Variants in CREB3L2 observed in about 807,000 individuals in gnomAD.
CREB3L2 encodes cAMP responsive element binding protein 3 like 2, also known as cyclic AMP-responsive element-binding protein 3-like protein 2.
In CREB3L2, 23 loss-of-function variants were observed where a neutral mutation model predicts 57.2. That is an observed-to-expected ratio of 0.40 (90% confidence interval 0.29 to 0.57). The LOEUF is 0.57. Among genes scored for constraint, CREB3L2 ranks in the 20% least tolerant of loss-of-function variants. The pLI, the probability that CREB3L2 is intolerant of heterozygous loss-of-function variation, is 0.42. For synonymous variants in CREB3L2, 268 were observed against 265.1 expected (o/e 1.01, Z -0.11); for missense variants, 628 against 634.7 (o/e 0.99, Z 0.11).
At chr7:137,888,144 G>A (rs1337375753) in intron 8 of CREB3L2, among the ~76,000 whole-genome samples, 1 of 151,968 alleles carries the variant, frequency 6.6e-6, no homozygotes, top group Non-Finnish European at 1.5e-5. Context: ...TTTATTTTTT[G>A]TAGAGACAGC....
intron 1 of CREB3L2, among the ~76,000 whole-genome samples, chr7:137,997,664 C>T (rs1290570454): frequency 6.6e-6 from 1 of 152,050 alleles, no homozygotes; most frequent in African/African-American, 2.4e-5. Flanking sequence ...GAAGGTTAAG[C>T]CTGCAGTGAG....
At chr7:137,932,643 C>T (rs1413908705) in intron 1 of CREB3L2, among the ~76,000 whole-genome samples, 1 of 152,106 alleles carries the variant, frequency 6.6e-6, no homozygotes, top group Non-Finnish European at 1.5e-5. Context: ...CTCAGTTTCT[C>T]AATCACTGGC....
chr7:137,900,214 G>A (rs1220860015), intron 8 of CREB3L2, among the ~76,000 whole-genome samples: 2 of 152,152 alleles, frequency 1.3e-5, no homozygotes, highest in South Asian at 2.1e-4. Flanking sequence ...CCACATCCAG[G>A]CTCCAGAGCC....
intron 10 of CREB3L2, chr7:137,884,548 C>A: frequency 3.7e-6 from 1 of 273,398 alleles, no homozygotes. Flanking sequence ...ACGCCCGGCC[C>A]TGACCTTGCT....
Position 137,877,191 on chromosome 7 carries a change from A to C in CREB3L2, c.*3285T>G, listed in dbSNP as rs1174645201. 1 of 229,148 alleles carries C rather than the reference A, an allele frequency of 4.4e-6. No individual in the cohort carries two copies. The highest frequency in any genetic ancestry group is 8.7e-6 in the Non-Finnish European group (1 of 115,496). 14.2% of individuals were successfully genotyped at this position (229,148 alleles called of 1,614,324 possible). A position where few individuals can be genotyped will look rare whatever the true frequency, so the allele number is the denominator to read the frequency against. Reference sequence around the variant, plus strand: ...CAAGAGATTTAGGAAGAAAAAAAAAAACATGGTAATTATAAGGGGTCTGTG... The same window carrying C: ...CAAGAGATTTAGGAAGAAAAAAAAACACATGGTAATTATAAGGGGTCTGTG... On this transcript the variant is annotated 3_prime_UTR_variant, in exon 12 of 12. Transcript: ENST00000330387.
chr7:137,883,141 A>T (rs1799334071), intron 10 of CREB3L2, among the ~76,000 whole-genome samples: 1 of 152,268 alleles, frequency 6.6e-6, no homozygotes, highest in African/African-American at 2.4e-5. Context: ...TCACACAGCT[A>T]GATGGCTCTG....
At chr7:137,882,178 C>T (rs557588479) in intron 11 of CREB3L2, among the ~76,000 whole-genome samples, 12 of 152,254 alleles carry the variant, frequency 7.9e-5, no homozygotes, top group South Asian at 2.1e-4. Flanking sequence ...GCCAGCTCCC[C>T]GCTGATGCAG....
At chr7:137,987,739 A>G (rs1315522113) in intron 1 of CREB3L2, among the ~76,000 whole-genome samples, 1 of 152,226 alleles carries the variant, frequency 6.6e-6, no homozygotes, top group Admixed American at 6.5e-5. Flanking sequence ...AGTGGCGCAC[A>G]GTGGCACAAT....
intron 1 of CREB3L2, among the ~76,000 whole-genome samples, chr7:137,992,492 A>G (rs1438501279): frequency 6.6e-6 from 1 of 152,190 alleles, no homozygotes; most frequent in Non-Finnish European, 1.5e-5. Context: ...ACACATCAAG[A>G]AACACATGAA....
At position 137,980,861 on chromosome 7, in the gene CREB3L2, C is replaced by G. The variant is rs1801700260; in HGVS notation, c.102+20743G>C. Among the ~76,000 whole-genome samples the G allele has an allele frequency of 6.6e-6, 1 of 152,184 alleles. No homozygotes were observed. The highest frequency in any genetic ancestry group is 6.5e-5 in the Admixed American group (1 of 15,284). On this transcript the variant is annotated intron_variant, in intron 1 of 11. Transcript: ENST00000330387. This position sits in a 1 kb window ranked among gnomAD's most constrained non-coding sequence, Gnocchi z 4.3. ...CTGCTCTTTACTGATGCACTGGCCCCTGTTCCTCCACAATGTGACCCCCCT... is the reference window on the plus strand; with the variant it reads ...CTGCTCTTTACTGATGCACTGGCCCGTGTTCCTCCACAATGTGACCCCCCT...
At chr7:137,933,009 C>T (rs555480463) in intron 1 of CREB3L2, among the ~76,000 whole-genome samples, 94 of 152,290 alleles carry the variant, frequency 6.2e-4, no homozygotes, top group African/African-American at 2.2e-3. Flanking sequence ...AGACCACACT[C>T]TGGGCAGCAA....
rs66493086 is a variant in CREB3L2 at position 137,960,809 on chromosome 7, CTTT to C, written c.103-32446_103-32444del. Reference sequence around the variant, plus strand: ...TTTTAAACTTAAAACTAAATTATTTCTTTTTTTTTTTTTTTTTTTTTGAGACAG... The same window carrying C: ...TTTTAAACTTAAAACTAAATTATTTCTTTTTTTTTTTTTTTTTTGAGACAG... On this transcript the variant is annotated intron_variant, in intron 1 of 11. Coordinates refer to ENST00000330387, the MANE Select transcript of CREB3L2 (RefSeq NM_194071.4). Among the ~76,000 whole-genome samples, 700 of 95,576 alleles carry C rather than the reference CTTT, an allele frequency of 7.3e-3. 7 individuals are homozygous for C. The highest frequency in any genetic ancestry group is 0.024 in the African/African-American group (559 of 23,184). The allele number at this position is 95,576 out of a possible 152,430, so 62.7% of individuals were successfully genotyped here.
chr7:137,936,987 G>A (rs1203631626), intron 1 of CREB3L2, among the ~76,000 whole-genome samples: 1 of 152,162 alleles, frequency 6.6e-6, no homozygotes, highest in African/African-American at 2.4e-5. Context: ...GGCCACGGCA[G>A]GTAATAGGAT....
intron 5 of CREB3L2, among the ~76,000 whole-genome samples, chr7:137,907,698 T>C (rs567595726): frequency 6.6e-6 from 1 of 152,320 alleles, no homozygotes; most frequent in South Asian, 2.1e-4. Flanking sequence ...TCTATTCTTC[T>C]TTATTATGGT....
chr7:137,912,552 A>G (rs1800037056), intron 4 of CREB3L2, among the ~76,000 whole-genome samples: 1 of 152,216 alleles, frequency 6.6e-6, no homozygotes, highest in African/African-American at 2.4e-5. Context: ...AATTGGCCAC[A>G]TAATTAATTG....
At chr7:137,891,886 C>A (rs1266187102) in intron 8 of CREB3L2, among the ~76,000 whole-genome samples, 1 of 152,116 alleles carries the variant, frequency 6.6e-6, no homozygotes. Context: ...GCCACACATA[C>A]TTCCATCAAA....
chr7:137,951,517 A>G (rs1801097756), intron 1 of CREB3L2, among the ~76,000 whole-genome samples: 1 of 152,246 alleles, frequency 6.6e-6, no homozygotes, highest in South Asian at 2.1e-4. Flanking sequence ...TTCAGTGTTC[A>G]CAGTGACTTA....
Position 137,880,133 on chromosome 7 carries a change from C to G in CREB3L2, c.*343G>C, listed in dbSNP as rs957644229. ...AACAAGAGCCATCTCGTCTCCAAAG[C>G]GGGGGGTTACACCTCACAGGTGCAC... On this transcript the variant is annotated 3_prime_UTR_variant, in exon 12 of 12. Coordinates refer to ENST00000330387, the MANE Select transcript of CREB3L2 (RefSeq NM_194071.4). The surrounding 1 kb of genome is among the most constrained non-coding windows in gnomAD (Gnocchi z 4.0). 6 of 350,044 alleles carry G rather than the reference C, an allele frequency of 1.7e-5. No individual in the cohort carries two copies. The Admixed American group carries it at 2.6e-4, about 15-fold the overall frequency. The allele number at this position is 350,044 out of a possible 1,614,324, so 21.7% of individuals were successfully genotyped here.
At chr7:137,995,592 C>T (rs771862858) in intron 1 of CREB3L2, among the ~76,000 whole-genome samples, 3 of 152,128 alleles carry the variant, frequency 2.0e-5, no homozygotes, top group Non-Finnish European at 2.9e-5. Context: ...CTTGGCCCCC[C>T]AAAGTGCTGG....
Sources: allele counts gnomAD v4.1 joint callset (sites outside exome capture counted in the v4.1 genomes callset), GRCh38; gene constraint gnomAD v4.1.1; non-coding constraint Gnocchi (gnomAD v3.1); transcripts MANE v1.5; gene names NCBI Gene and HGNC (gene_info 2026-07-23, HGNC 2026-07-21).